MCCC1: variants seen among roughly 807,000 people sequenced by gnomAD.
MCCC1 encodes the protein methylcrotonyl-CoA carboxylase subunit 1, also known as methylcrotonoyl-CoA carboxylase subunit alpha, mitochondrial.
MCCC1 carries 64 observed loss-of-function variants against 83.8 expected under a neutral mutation model. The ratio of observed to expected loss-of-function variants is 0.76; its 90% CI spans 0.62 to 0.94. The LOEUF is 0.94. Ranked by LOEUF, MCCC1 falls within the 40% of genes least tolerant of loss-of-function variation. The pLI, the probability that MCCC1 is intolerant of heterozygous loss-of-function variation, is 0.00. For missense variants in MCCC1, 807 were observed against 904.7 expected (o/e 0.89, Z 1.39); for synonymous variants, 322 against 315.4 (o/e 1.02, Z -0.22).
intron 7 of MCCC1, among the ~76,000 whole-genome samples, chr3:183,070,590 A>G (rs1346941097): frequency 1.3e-5 from 2 of 152,128 alleles, no homozygotes; most frequent in African/African-American, 4.8e-5. Context: ...AAAATTAGCC[A>G]GGCATGGTGG....
At chr3:183,080,834 C>T (rs919522720) in intron 4 of MCCC1, among the ~76,000 whole-genome samples, 6 of 152,136 alleles carry the variant, frequency 3.9e-5, no homozygotes, top group East Asian at 1.9e-4. Flanking sequence ...ACATGGATGG[C>T]GGCAGGCAAA....
At chr3:183,096,343 A>AT (rs1718734215) in intron 1 of MCCC1, among the ~76,000 whole-genome samples, 1 of 151,864 alleles carries the variant, frequency 6.6e-6, no homozygotes, top group South Asian at 2.1e-4. Flanking sequence ...CTCAAAAAAA[A>AT]AAATAAATAA....
intron 4 of MCCC1, among the ~76,000 whole-genome samples, chr3:183,079,894 C>T (rs1717360272): frequency 6.6e-6 from 1 of 152,230 alleles, no homozygotes; most frequent in South Asian, 2.1e-4. Flanking sequence ...CACATGGAAG[C>T]TGCCAAGGCT....
At position 183,015,544 on chromosome 3, in the gene MCCC1, T is replaced by C; in HGVS notation, c.2072A>G (p.Asp691Gly). 1 of 1,614,150 alleles carries C rather than the reference T, an allele frequency of 6.2e-7. No individual in the cohort carries two copies. Among genetic ancestry groups the C allele is most frequent in the Non-Finnish European group, 8.5e-7 (1 of 1,180,004 alleles). Residue 691 changes from aspartate to glycine, a missense_variant, in exon 19 of 19, where the codon GAT (aspartate) becomes GGT (glycine). Coordinates refer to ENST00000265594, the MANE Select transcript of MCCC1 (RefSeq NM_020166.5). ...GTAGAACACTTTCTTTACTGTGCCATCCTTTGGAGACTTTATGGTATGCTG... is the reference window on the plus strand; with the variant it reads ...GTAGAACACTTTCTTTACTGTGCCACCCTTTGGAGACTTTATGGTATGCTG... ...KMEHTIKSPK[D>G]GTVKKVFYRE...
chr3:183,072,260 C>A, intron 5 of MCCC1, 106 bp downstream of exon 5: 1 of 1,326,836 alleles, frequency 7.5e-7, no homozygotes, highest in Non-Finnish European at 1.1e-6. Flanking sequence ...TATCCTCCTG[C>A]CTCAGTCTCC....
At chr3:183,052,458 T>C (rs1715050917) in intron 8 of MCCC1, among the ~76,000 whole-genome samples, 1 of 152,228 alleles carries the variant, frequency 6.6e-6, no homozygotes, top group Non-Finnish European at 1.5e-5. Context: ...TCATTACTCA[T>C]GTGTTTTGTG....
At chr3:183,019,417 G>T (rs533391347) in intron 17 of MCCC1, among the ~76,000 whole-genome samples, 111 of 152,294 alleles carry the variant, frequency 7.3e-4, no homozygotes, top group Non-Finnish European at 1.4e-3. Flanking sequence ...CTGGCCTCAT[G>T]AAAGAGATTA....
intron 1 of MCCC1, among the ~76,000 whole-genome samples, chr3:183,114,024 G>A (rs927199537): frequency 5.3e-5 from 8 of 152,132 alleles, no homozygotes; most frequent in African/African-American, 1.9e-4. Flanking sequence ...ACTCCATCTT[G>A]GCTCTTTCAC....
chr3:183,093,573 C>T (rs532187606), intron 2 of MCCC1, among the ~76,000 whole-genome samples: 31 of 152,038 alleles, frequency 2.0e-4, no homozygotes, highest in Non-Finnish European at 3.8e-4. Context: ...TAATATCACA[C>T]GTGAAATAAA....
intron 9 of MCCC1, 151 bp from the exon 10 acceptor site, chr3:183,045,691 A>C: frequency 1.2e-6 from 1 of 845,400 alleles, no homozygotes; most frequent in Non-Finnish European, 1.9e-6. Flanking sequence ...CATTTGCAGC[A>C]GCATATGAAT....
At chr3:183,069,339 A>G (rs1716484267) in intron 7 of MCCC1, among the ~76,000 whole-genome samples, 1 of 152,244 alleles carries the variant, frequency 6.6e-6, no homozygotes, top group Admixed American at 6.5e-5. Flanking sequence ...TAATAACTCA[A>G]ATAAGCTATT....
At chr3:183,048,568 C>A (rs1714725504) in intron 9 of MCCC1, among the ~76,000 whole-genome samples, 1 of 152,136 alleles carries the variant, frequency 6.6e-6, no homozygotes. Flanking sequence ...TTTTAACATG[C>A]ATGTACCTAA....
intron 3 of MCCC1, among the ~76,000 whole-genome samples, chr3:183,090,003 G>T (rs1366956858): frequency 6.6e-6 from 1 of 152,112 alleles, no homozygotes; most frequent in African/African-American, 2.4e-5. Flanking sequence ...TAGAAATTTG[G>T]GAGTTTTTCT....
At chr3:183,090,851 G>T (rs1718270488) in intron 3 of MCCC1, 2 of 371,608 alleles carry the variant, frequency 5.4e-6, no homozygotes, top group Non-Finnish European at 1.1e-5. Context: ...GCTTCCCAAA[G>T]TGCTGGAATT....
chr3:183,030,758 A>T (rs745537669), intron 14 of MCCC1, among the ~76,000 whole-genome samples: 10 of 152,200 alleles, frequency 6.6e-5, no homozygotes, highest in African/African-American at 9.6e-5. Flanking sequence ...AGCAGGGACA[A>T]AGACATTTCC....
At chr3:183,066,755 A>C (rs1271954875) in intron 7 of MCCC1, among the ~76,000 whole-genome samples, 1 of 152,250 alleles carries the variant, frequency 6.6e-6, no homozygotes, top group Non-Finnish European at 1.5e-5. Flanking sequence ...GCAAAACAGG[A>C]GTTAACTGTA....
rs200651846 is a variant in MCCC1 at position 183,022,513 on chromosome 3, G to A, written c.1773C>T (p.Ser591=). 133 of 1,613,616 alleles carry A rather than the reference G, an allele frequency of 8.2e-5. No homozygotes were observed. The highest frequency in any genetic ancestry group is 3.3e-4 in the Middle Eastern group (2 of 6,062). ...ATTTCAGGTAAGTGCAGTCTCCCTC[G>A]CTGTAAAGATTACCAAGGACTTGGA... ...KTFQVLGNLY[S]EGDCTYLKCS... is the part of the protein sequence containing the mutation. The change falls in exon 16 of 19, where the codon AGC becomes AGT. Residue 591 remains serine (S), a synonymous_variant. Coordinates refer to ENST00000265594, the MANE Select transcript of MCCC1 (RefSeq NM_020166.5).
chr3:183,037,698 A>C (rs1713742658), intron 12 of MCCC1, among the ~76,000 whole-genome samples: 1 of 152,200 alleles, frequency 6.6e-6, no homozygotes, highest in Non-Finnish European at 1.5e-5. Flanking sequence ...GACAAAGAGG[A>C]TGCTGGAAAT....
chr3:183,059,242 G>A (rs576281771), intron 7 of MCCC1, among the ~76,000 whole-genome samples: 7 of 152,308 alleles, frequency 4.6e-5, no homozygotes, highest in African/African-American at 1.7e-4. Context: ...CTGGGAGGCG[G>A]AGGCTGCAGT....
Sources: allele counts gnomAD v4.1 joint callset (sites outside exome capture counted in the v4.1 genomes callset), GRCh38; gene constraint gnomAD v4.1.1; transcripts MANE v1.5; gene names NCBI Gene and HGNC (gene_info 2026-07-23, HGNC 2026-07-21).